OTOGL: variants seen among roughly 807,000 people sequenced by gnomAD.
The protein encoded by OTOGL is otogelin like.
In OTOGL, 285 loss-of-function variants were observed where a neutral mutation model predicts 318.5. The observed-to-expected ratio is 0.89, with a 90% CI of 0.81 to 0.99. The LOEUF (loss-of-function observed/expected upper bound fraction) is 0.99. Among genes scored for constraint, OTOGL ranks in the 50% least tolerant of loss-of-function variants. The pLI, the probability that OTOGL is intolerant of heterozygous loss-of-function variation, is 0.00. For missense variants in OTOGL, 2,899 were observed against 2,845.6 expected, an observed-to-expected ratio of 1.02 and a Z score of -0.43; for synonymous variants, 987 against 936.5, an observed-to-expected ratio of 1.05 and a Z score of -0.99.
At chr12:80,375,488 A>T (rs532507423) in intron 57 of OTOGL, among the ~76,000 whole-genome samples, 3 of 152,204 alleles carry the variant, frequency 2.0e-5, no homozygotes, top group African/African-American at 7.2e-5. Context: ...TCATTTAGTG[A>T]TGAGTGGTAT....
intron 1 of OTOGL, among the ~76,000 whole-genome samples, chr12:80,165,116 G>A (rs1873752631): frequency 6.6e-6 from 1 of 152,120 alleles, no homozygotes; most frequent in African/African-American, 2.4e-5. Context: ...ACTAGAGTAG[G>A]AGGCATGTGC....
At chr12:80,243,312 G>T (rs1880542657) in intron 11 of OTOGL, among the ~76,000 whole-genome samples, 1 of 151,966 alleles carries the variant, frequency 6.6e-6, no homozygotes, top group Non-Finnish European at 1.5e-5. Context: ...CTACCAATAA[G>T]CATTCAGTAT....
chr12:80,323,817 A>C lies in OTOGL; in HGVS notation c.4176A>C (p.Ala1392=). 3.1e-6 allele frequency: 5 copies of C among 1,612,548 alleles called. No individual in the cohort carries two copies. The South Asian group carries it at 4.4e-5, about 14-fold the overall frequency. ...PCFKTCSDPE[A]LACKFLPPVE... is the part of the protein sequence containing the mutation. ...TTAAAACATGTAGTGACCCTGAAGC[A>C]CTAGCATGTAAATTTCTTCCACCGT... The change falls in exon 35 of 59, where the codon GCA becomes GCC. Residue 1392 remains alanine, a synonymous_variant. Transcript: ENST00000547103.
At chr12:80,158,856 C>T (rs1351532751) in intron 1 of OTOGL, among the ~76,000 whole-genome samples, 1 of 152,052 alleles carries the variant, frequency 6.6e-6, no homozygotes, top group African/African-American at 2.4e-5. Flanking sequence ...CTGGCTAGGA[C>T]TTCCAGTACT....
intron 1 of OTOGL, among the ~76,000 whole-genome samples, chr12:80,203,661 C>G (rs1876612744): frequency 6.6e-6 from 1 of 152,150 alleles, no homozygotes; most frequent in South Asian, 2.1e-4. Context: ...GCAAACTGCT[C>G]AGTAGCGGGT....
chr12:80,159,392 A>G (rs1873345694), intron 1 of OTOGL, among the ~76,000 whole-genome samples: 1 of 152,188 alleles, frequency 6.6e-6, no homozygotes. Flanking sequence ...CTTGCAGAAT[A>G]GTGTCAATAG....
intron 6 of OTOGL, among the ~76,000 whole-genome samples, chr12:80,221,521 G>A (rs1878337377): frequency 6.6e-6 from 1 of 151,866 alleles, no homozygotes; most frequent in African/African-American, 2.4e-5. Context: ...TGCCCACCTT[G>A]GCCTACCAAA....
intron 20 of OTOGL, 53 bp downstream of exon 20, chr12:80,265,263 A>G: frequency 6.8e-7 from 1 of 1,474,498 alleles, no homozygotes; most frequent in Non-Finnish European, 9.3e-7. Flanking sequence ...AGAGACCTCT[A>G]TGTTTGTAAT....
intron 1 of OTOGL, among the ~76,000 whole-genome samples, chr12:80,122,092 C>T (rs929041418): frequency 6.6e-6 from 1 of 151,934 alleles, no homozygotes; most frequent in African/African-American, 2.4e-5. Context: ...AAGAAAAATA[C>T]CACAAAAAAT....
At chr12:80,155,688 G>A (rs910346406) in intron 1 of OTOGL, among the ~76,000 whole-genome samples, 1 of 152,072 alleles carries the variant, frequency 6.6e-6, no homozygotes, top group African/African-American at 2.4e-5. Flanking sequence ...TCACCCTGTT[G>A]TGCTATCACA....
At chr12:80,167,692 A>G (rs1873913039) in intron 1 of OTOGL, among the ~76,000 whole-genome samples, 1 of 152,156 alleles carries the variant, frequency 6.6e-6, no homozygotes, top group African/African-American at 2.4e-5. Flanking sequence ...TAGTTAAGCT[A>G]TAAAATAATG....
intron 11 of OTOGL, among the ~76,000 whole-genome samples, chr12:80,249,602 T>C (rs1221710214): frequency 6.6e-6 from 1 of 152,032 alleles, no homozygotes; most frequent in African/African-American, 2.4e-5. Context: ...TCTGCAGAGG[T>C]TACTGCTGTC....
chr12:80,306,941 G>T (rs1368513966), intron 29 of OTOGL, among the ~76,000 whole-genome samples: 19 of 149,522 alleles, frequency 1.3e-4, no homozygotes, highest in Non-Finnish European at 1.5e-5. Flanking sequence ...TTCCTAGGCA[G>T]AGGACCCTGC....
At chr12:80,207,223 T>G (rs552536239) in intron 1 of OTOGL, among the ~76,000 whole-genome samples, 2 of 152,246 alleles carry the variant, frequency 1.3e-5, no homozygotes, top group Non-Finnish European at 2.9e-5. Flanking sequence ...TTCTTTGATA[T>G]GGAGTTTTAC....
At chr12:80,216,405 A>G (rs1048053359) in intron 4 of OTOGL, among the ~76,000 whole-genome samples, 3 of 152,148 alleles carry the variant, frequency 2.0e-5, no homozygotes, top group Admixed American at 6.5e-5. Context: ...TATAAGTGCT[A>G]TTGGAAAGAA....
chr12:80,297,035 G>A, intron 27 of OTOGL, 74 bp downstream of exon 27: 3 of 1,300,254 alleles, frequency 2.3e-6, no homozygotes, highest in Non-Finnish European at 3.1e-6. Context: ...AAATGATTTG[G>A]TCTACTCCTC....
intron 22 of OTOGL, 56 bp from the exon 23 acceptor site, chr12:80,270,046 A>G (rs1347671677): frequency 4.7e-3 from 26 of 5,586 alleles, no homozygotes; most frequent in South Asian, 0.2. Context: ...AAATTCAGGG[A>G]AAAAAAAAAA....
In OTOGL at chr12:80,378,094, G is replaced by A; in HGVS notation, c.*46G>A. 7.2e-7 allele frequency: 1 copy of A among 1,395,364 alleles called. No individual in the cohort carries two copies. The highest frequency in any genetic ancestry group is 1.3e-5 in the South Asian group (1 of 76,334). 86.4% of individuals were successfully genotyped at this position (1,395,364 alleles called of 1,614,324 possible). ...CTATACAACATCATAACGTCAGATAGAATTAACTTTTATTGCTATTACTTA... is the reference window on the plus strand; with the variant it reads ...CTATACAACATCATAACGTCAGATAAAATTAACTTTTATTGCTATTACTTA... On this transcript the variant is annotated 3_prime_UTR_variant, in exon 59 of 59. Coordinates refer to ENST00000547103, the MANE Select transcript of OTOGL (RefSeq NM_001378609.3).
chr12:80,198,577 C>T (rs1182347253), intron 1 of OTOGL, among the ~76,000 whole-genome samples: 14 of 151,562 alleles, frequency 9.2e-5, no homozygotes. Flanking sequence ...AGCAAGACTC[C>T]ATCTCCAAAT....
Sources: gnomAD v4.1 joint callset for allele counts (sites outside exome capture counted in the v4.1 genomes callset) on GRCh38, gnomAD v4.1.1 for gene constraint, MANE v1.5 for transcripts, NCBI Gene and HGNC (gene_info 2026-07-23, HGNC 2026-07-21) for gene names.